ATG10: variants seen among roughly 807,000 people sequenced by gnomAD.
The protein encoded by ATG10 is ubiquitin-like-conjugating enzyme ATG10.
A neutral mutation model predicts 32.1 loss-of-function variants in ATG10; 30 were observed. The ratio of observed to expected loss-of-function variants is 0.94; its 90% CI spans 0.70 to 1.27. ATG10 has a LOEUF of 1.27. ATG10 is among the 50% of genes most tolerant of loss of function. The pLI is 0.00. For synonymous variants in ATG10, 87 were observed against 91.5 expected, an observed-to-expected ratio of 0.95 and a Z score of 0.28; for missense variants, 233 against 262.3, an observed-to-expected ratio of 0.89 and a Z score of 0.77.
intron 3 of ATG10, among the ~76,000 whole-genome samples, chr5:82,159,226 T>A (rs1208964113): frequency 1.3e-5 from 2 of 152,190 alleles, no homozygotes; most frequent in Non-Finnish European, 2.9e-5. Context: ...AAAGGATGAT[T>A]CACATCCCAG....
intron 5 of ATG10, among the ~76,000 whole-genome samples, chr5:82,184,473 T>C (rs1376593639): frequency 6.6e-6 from 1 of 152,080 alleles, no homozygotes; most frequent in Admixed American, 6.6e-5. Flanking sequence ...ATACTAAACT[T>C]CTGGACCCTA....
intron 3 of ATG10, among the ~76,000 whole-genome samples, chr5:82,146,926 A>G (rs956627220): frequency 6.6e-6 from 1 of 152,226 alleles, no homozygotes; most frequent in Non-Finnish European, 1.5e-5. Flanking sequence ...ACATCTACAT[A>G]TAAACCTCAA....
intron 3 of ATG10, among the ~76,000 whole-genome samples, chr5:82,110,065 T>C (rs1237966982): frequency 6.6e-6 from 1 of 151,914 alleles, no homozygotes; most frequent in Non-Finnish European, 1.5e-5. Context: ...TTTTTTGTCC[T>C]TGTGACAGTT....
chr5:82,063,016 T>A (rs1763831366), intron 3 of ATG10, among the ~76,000 whole-genome samples: 2 of 152,174 alleles, frequency 1.3e-5, no homozygotes, highest in Admixed American at 6.5e-5. Context: ...TTTTAGTTTT[T>A]CATTTTAAAA....
intron 2 of ATG10, among the ~76,000 whole-genome samples, chr5:82,004,850 G>A (rs1761945453): frequency 6.6e-6 from 1 of 152,132 alleles, no homozygotes; most frequent in Non-Finnish European, 1.5e-5. Flanking sequence ...AAGAGTTGAG[G>A]ACCAGTAAAC....
chr5:82,156,172 CA>C (rs1231076354), intron 3 of ATG10, among the ~76,000 whole-genome samples: 6 of 151,578 alleles, frequency 4.0e-5, no homozygotes, highest in Admixed American at 3.9e-4. Flanking sequence ...CGGTGGTTCT[CA>C]AAACATAGAT....
Position 82,064,344 on chromosome 5 carries a change from AT to A in ATG10, c.216+5755del, listed in dbSNP as rs532978671. ...AAATATATGATGATCAAAAGTCTAAATTTTTTTTTTTTTACATTTTTCTTCT... is the reference window on the plus strand; with the variant it reads ...AAATATATGATGATCAAAAGTCTAAATTTTTTTTTTTTACATTTTTCTTCT... On this transcript the variant is annotated intron_variant, in intron 3 of 7. Coordinates refer to ENST00000282185, the MANE Select transcript of ATG10 (RefSeq NM_031482.5). Among the ~76,000 whole-genome samples, 936 of 146,450 alleles carry A rather than the reference AT, an allele frequency of 6.4e-3. 5 individuals carry two copies. Among genetic ancestry groups the A allele is most frequent in the Middle Eastern group, 0.014 (4 of 280 alleles).
At chr5:82,155,206 T>C (rs1316462208) in intron 3 of ATG10, among the ~76,000 whole-genome samples, 2 of 152,226 alleles carry the variant, frequency 1.3e-5, no homozygotes, top group Non-Finnish European at 2.9e-5. Context: ...TAGCCAAACT[T>C]CAGCCCATTG....
intron 4 of ATG10, among the ~76,000 whole-genome samples, chr5:82,166,145 A>G (rs955985032): frequency 6.6e-6 from 1 of 152,184 alleles, no homozygotes; most frequent in Admixed American, 6.5e-5. Context: ...TTGTTCCTGC[A>G]AGTCCAATTA....
At chr5:82,051,111 A>G (rs1241365863) in intron 2 of ATG10, among the ~76,000 whole-genome samples, 1 of 152,130 alleles carries the variant, frequency 6.6e-6, no homozygotes, top group Non-Finnish European at 1.5e-5. Flanking sequence ...CCAATCAAGG[A>G]TCAAGTGTCA....
intron 3 of ATG10, among the ~76,000 whole-genome samples, chr5:82,107,046 CT>C (rs1287152466): frequency 6.6e-6 from 1 of 151,934 alleles, no homozygotes; most frequent in East Asian, 1.9e-4. Flanking sequence ...AATTAAATGC[CT>C]TCAGGGTACT....
chr5:82,017,832 A>G lies in ATG10; in HGVS notation c.108+30154A>G, dbSNP rs188943060. 3.9e-5 allele frequency among the ~76,000 whole-genome samples: 6 copies of G among 152,222 alleles called. No individual in the cohort carries two copies. The East Asian group carries it at 5.8e-4, about 15-fold the overall frequency. On this transcript the variant is annotated intron_variant, in intron 2 of 7. Transcript: ENST00000282185. ...TTTCCTCCTTGATATACTTTCTTCA[A>G]TTGGTGTCCTTACTCTCTTAGTTCA...
At chr5:82,210,542 C>T (rs1745454788) in intron 5 of ATG10, among the ~76,000 whole-genome samples, 1 of 152,184 alleles carries the variant, frequency 6.6e-6, no homozygotes, top group Non-Finnish European at 1.5e-5. Flanking sequence ...AGGCTCATTT[C>T]TCTGGGCTTC....
intron 3 of ATG10, among the ~76,000 whole-genome samples, chr5:82,108,127 T>C (rs1765496565): frequency 6.6e-6 from 1 of 152,024 alleles, no homozygotes; most frequent in South Asian, 2.1e-4. Flanking sequence ...GAGAGCAAAC[T>C]GCACACCATT....
intron 2 of ATG10, among the ~76,000 whole-genome samples, chr5:82,003,036 A>G (rs768283511): frequency 6.6e-6 from 1 of 152,230 alleles, no homozygotes; most frequent in African/African-American, 2.4e-5. Flanking sequence ...AAATAGTGCT[A>G]TAAAGAAATT....
chr5:81,993,324 TTTCCTTCCTTCC>T lies in ATG10; in HGVS notation c.108+5650_108+5661del, dbSNP rs1482074846. ...TTCCTTTCTTTCCTTTCTTTCTTTC[TTTCCTTCCTTCC>T]TTCTTTCTTTCTTTCTTTCTTTCCT... On this transcript the variant is annotated intron_variant, in intron 2 of 7. Coordinates refer to ENST00000282185, the MANE Select transcript of ATG10 (RefSeq NM_031482.5). Among the ~76,000 whole-genome samples the T allele has an allele frequency of 5.8e-5, 6 of 103,266 alleles. No homozygotes were observed. In the East Asian group the frequency reaches 2.1e-3, roughly 37 times the overall value. The allele number at this position is 103,266 out of a possible 152,430, so 67.7% of individuals were successfully genotyped here. A position where few individuals can be genotyped will look rare whatever the true frequency, so the allele number is the denominator to read the frequency against.
At chr5:82,038,169 C>T (rs1036241266) in intron 2 of ATG10, among the ~76,000 whole-genome samples, 4 of 152,112 alleles carry the variant, frequency 2.6e-5, no homozygotes, top group African/African-American at 9.7e-5. Context: ...GAATACAAGA[C>T]AGGGAGAGTA....
In ATG10 at chr5:82,176,921, T is replaced by C. The variant is rs534043499; in HGVS notation, c.356-1569T>C. Among the ~76,000 whole-genome samples the C allele has an allele frequency of 2.0e-4, 31 of 152,280 alleles. 1 individual carries two copies. In the South Asian group the frequency reaches 5.0e-3, roughly 24 times the overall value. On this transcript the variant is annotated intron_variant, in intron 4 of 7. Coordinates refer to ENST00000282185, the MANE Select transcript of ATG10 (RefSeq NM_031482.5). Reference sequence around the variant, plus strand: ...ATATTCTATTGCTATTTATTGAAAATAAAGGTTGAGGAAAAGTTCAACTTT... The same window carrying C: ...ATATTCTATTGCTATTTATTGAAAACAAAGGTTGAGGAAAAGTTCAACTTT...
rs375016573 is a variant in ATG10, at chr5:82,239,936, C to T, written c.454-12626C>T. Among the ~76,000 whole-genome samples, 9 of 152,154 alleles carry T rather than the reference C, an allele frequency of 5.9e-5. No individual in the cohort carries two copies. The East Asian group carries it at 1.5e-3, about 26-fold the overall frequency. ...GAAAAAATTGCCCAACATCACTAAT[C>T]CTCAGGGAAATACAAATCAAAACCA... On this transcript the variant is annotated intron_variant, in intron 5 of 7. Transcript: ENST00000282185.
Sources: allele counts gnomAD v4.1 joint callset (sites outside exome capture counted in the v4.1 genomes callset), GRCh38; gene constraint gnomAD v4.1.1; transcripts MANE v1.5; gene names NCBI Gene and HGNC (gene_info 2026-07-23, HGNC 2026-07-21).